CRMP1: variants seen among roughly 807,000 people sequenced by gnomAD.
CRMP1 encodes the protein dihydropyrimidinase-related protein 1.
Under a neutral mutation model 68.3 loss-of-function variants are expected in CRMP1, and 19 were observed. That is an observed-to-expected ratio of 0.28 (90% CI 0.19 to 0.41). The LOEUF (loss-of-function observed/expected upper bound fraction) is 0.41. Ranked by LOEUF, CRMP1 falls within the 10% of genes least tolerant of loss-of-function variation. The pLI, the probability that CRMP1 is intolerant of heterozygous loss-of-function variation, is 1.00. For missense variants in CRMP1, 791 were observed against 967.4 expected, an observed-to-expected ratio of 0.82 and a Z score of 2.42; for synonymous variants, 439 against 399.6, an observed-to-expected ratio of 1.10 and a Z score of -1.18.
chr4:5,892,655 C>A lies in CRMP1; in HGVS notation c.315G>T (p.Arg105=), dbSNP rs574009197. ...AVSSPGERDE[R]PPTLRIRRPA... is the part of the protein sequence containing the mutation. Reference sequence around the variant, plus strand: ...GGCGGCGGATGCGCAGCGTCGGCGGCCGCTCGTCGCGCTCTCCGGGAGAGC... The same window carrying A: ...GGCGGCGGATGCGCAGCGTCGGCGGACGCTCGTCGCGCTCTCCGGGAGAGC... The change falls in exon 1 of 14, where the codon CGG becomes CGT. Residue 105 remains arginine, a synonymous_variant. Transcript: ENST00000324989. This position sits in a 1 kb window ranked among gnomAD's most constrained non-coding sequence, Gnocchi z 8.6. 5.0e-6 allele frequency: 6 copies of A among 1,193,644 alleles called. No individual in the cohort carries two copies. The East Asian group carries it at 2.2e-4, about 43-fold the overall frequency. The allele number at this position is 1,193,644 out of a possible 1,614,324, so 73.9% of individuals were successfully genotyped here.
In CRMP1 at chr4:5,843,741, G is replaced by A. The variant is rs1711970833; in HGVS notation, c.964-580C>T. Among the ~76,000 whole-genome samples the A allele has an allele frequency of 6.6e-6, 1 of 152,112 alleles. No individual in the cohort carries two copies. Among genetic ancestry groups the A allele is most frequent in the African/African-American group, 2.4e-5 (1 of 41,402 alleles). ...TCAGATGAGCGAGCATACGAAACAT[G>A]CTCAGCACAAAACCTGGAGCTGAGC... On this transcript the variant is annotated intron_variant, in intron 6 of 13. Transcript: ENST00000324989. This position sits in a 1 kb window ranked among gnomAD's most constrained non-coding sequence, Gnocchi z 4.1.
rs528002762 is a variant in CRMP1 at position 5,831,137 on chromosome 4, G to A, written c.1624-2469C>T. ...TTAATTTTTTTATTTTTTTGTAGAG[G>A]CAGGGTCTCACTATGTCACCCAGTT... On this transcript the variant is annotated intron_variant, in intron 11 of 13. Transcript: ENST00000324989. Among the ~76,000 whole-genome samples the A allele has an allele frequency of 3.3e-3, 500 of 151,950 alleles. 4 individuals carry two copies. Among genetic ancestry groups the A allele is most frequent in the Non-Finnish European group, 4.8e-3 (324 of 67,968 alleles).
rs1716023239 is a variant in CRMP1 at position 5,893,019 on chromosome 4, C to T, written c.-50G>A. 8 of 1,104,632 alleles carry T rather than the reference C, an allele frequency of 7.2e-6. No homozygotes were observed. Among genetic ancestry groups the T allele is most frequent in the Non-Finnish European group, 8.9e-6 (8 of 903,074 alleles). 68.4% of individuals were successfully genotyped at this position (1,104,632 alleles called of 1,614,324 possible). A position where few individuals can be genotyped will look rare whatever the true frequency, so the allele number is the denominator to read the frequency against. ...CGCGCTCCCGCCTGCCCGCCCGCGG[C>T]CCTGGGCACCGCCGTGCGCCGCGCT... is the stretch of plus-strand genomic sequence containing the variant. On this transcript the variant is annotated 5_prime_UTR_variant, in exon 1 of 14. Transcript: ENST00000324989.
intron 8 of CRMP1, among the ~76,000 whole-genome samples, chr4:5,840,548 ACAG>A (rs1448246916): frequency 2.0e-5 from 3 of 152,190 alleles, no homozygotes; most frequent in Non-Finnish European, 4.4e-5. Flanking sequence ...GCCCTGTATC[ACAG>A]CTGCCCAACC....
In CRMP1 at chr4:5,879,161, C is replaced by A. The variant is rs1715056600; in HGVS notation, c.382-12405G>T. ...TAGGCTCTTCCCGGCCTGAGCCCGG[C>A]CCTCTCTCGGCCGCGCCCCACCACA... On this transcript the variant is annotated intron_variant, in intron 1 of 13. Transcript: ENST00000324989. The surrounding 1 kb of genome is among the most constrained non-coding windows in gnomAD (Gnocchi z 4.2). 1.4e-5 allele frequency among the ~76,000 whole-genome samples: 2 copies of A among 146,590 alleles called. No homozygotes were observed. The highest frequency in any genetic ancestry group is 4.9e-5 in the African/African-American group (2 of 40,522).
chr4:5,848,827 C>G (rs1229050321), intron 6 of CRMP1, among the ~76,000 whole-genome samples: 2 of 152,192 alleles, frequency 1.3e-5, no homozygotes, highest in African/African-American at 4.8e-5. Context: ...GGCCTCTCTT[C>G]TTCTCCTTAT....
intron 1 of CRMP1, chr4:5,887,779 C>T: frequency 1.0e-6 from 1 of 988,144 alleles, no homozygotes. Flanking sequence ...TTTTTCCCTC[C>T]TCCAGCGGGG....
chr4:5,875,275 GA>G (rs1714728817), intron 1 of CRMP1, among the ~76,000 whole-genome samples: 1 of 152,028 alleles, frequency 6.6e-6, no homozygotes, highest in East Asian at 1.9e-4. Flanking sequence ...GTCTATTCCT[GA>G]GTGAGGCATT....
chr4:5,886,175 C>G (rs1402076892), intron 1 of CRMP1, among the ~76,000 whole-genome samples: 1 of 152,190 alleles, frequency 6.6e-6, no homozygotes, highest in Non-Finnish European at 1.5e-5. Flanking sequence ...GGCCCTCTTT[C>G]CCAGGAACTA....
intron 3 of CRMP1, among the ~76,000 whole-genome samples, chr4:5,857,810 G>A (rs1027462428): frequency 6.6e-5 from 10 of 152,018 alleles, no homozygotes; most frequent in South Asian, 2.1e-4. Flanking sequence ...AAGGGCCTCC[G>A]AGACCCAACA....
At chr4:5,878,932 A>C (rs1011136538) in intron 1 of CRMP1, among the ~76,000 whole-genome samples, 1 of 151,696 alleles carries the variant, frequency 6.6e-6, no homozygotes, top group Non-Finnish European at 1.5e-5. Context: ...TCTACTCTGG[A>C]ACTGTTCTAA....
intron 2 of CRMP1, among the ~76,000 whole-genome samples, chr4:5,863,554 T>C (rs957079704): frequency 4.6e-5 from 7 of 152,092 alleles, no homozygotes; most frequent in Admixed American, 3.3e-4. Flanking sequence ...TCAATAGCAA[T>C]GTGCTGGAAA....
intron 4 of CRMP1, among the ~76,000 whole-genome samples, chr4:5,852,896 G>C (rs1039923331): frequency 1.3e-5 from 2 of 152,160 alleles, no homozygotes; most frequent in Admixed American, 6.5e-5. Flanking sequence ...AAAAGGCAGG[G>C]AGACTGTTCC....
At chr4:5,876,091 T>C (rs760105817) in intron 1 of CRMP1, among the ~76,000 whole-genome samples, 2 of 151,204 alleles carry the variant, frequency 1.3e-5, no homozygotes, top group Non-Finnish European at 2.9e-5. Flanking sequence ...AGGCAAAGCT[T>C]GCAGTGAGCC....
chr4:5,879,777 A>C lies in CRMP1; in HGVS notation c.381+12812T>G, dbSNP rs1715107891. 6.6e-6 allele frequency among the ~76,000 whole-genome samples: 1 copy of C among 151,944 alleles called. No individual in the cohort carries two copies. Among genetic ancestry groups the C allele is most frequent in the African/African-American group, 2.4e-5 (1 of 41,356 alleles). ...GTTGATGGCCTTAGGAAGCCTTTAA[A>C]CTCGTTTAAGAGGTTCCCAGTAATT... is the stretch of plus-strand genomic sequence containing the variant. On this transcript the variant is annotated intron_variant, in intron 1 of 13. Transcript: ENST00000324989. The surrounding 1 kb of genome is among the most constrained non-coding windows in gnomAD (Gnocchi z 4.2).
In CRMP1 at chr4:5,890,569, G is replaced by A. The variant is rs373428230; in HGVS notation, c.381+2020C>T. 2.6e-4 allele frequency among the ~76,000 whole-genome samples: 40 copies of A among 151,954 alleles called. No individual in the cohort carries two copies. Among genetic ancestry groups the A allele is most frequent in the East Asian group, 2.5e-3 (13 of 5,108 alleles). ...CCCTCCGTGGAGATCGCGAGCCCCT[G>A]AGTTCCACAGTCGCGAAGCTCGAGT... On this transcript the variant is annotated intron_variant, in intron 1 of 13. Transcript: ENST00000324989. This position sits in a 1 kb window ranked among gnomAD's most constrained non-coding sequence, Gnocchi z 5.5.
At chr4:5,856,021 A>T in intron 4 of CRMP1, 122 bp downstream of exon 4, 1 of 1,118,584 alleles carries the variant, frequency 8.9e-7, no homozygotes, top group Non-Finnish European at 1.3e-6. Context: ...CACGTGGCAG[A>T]GTGCAGCTCA....
chr4:5,833,938 C>T (rs905639366), intron 11 of CRMP1, among the ~76,000 whole-genome samples: 8 of 152,094 alleles, frequency 5.3e-5, no homozygotes, highest in African/African-American at 1.9e-4. Context: ...CCCAGCTACT[C>T]GGGAGGCTGA....
At position 5,892,453 on chromosome 4, in the gene CRMP1, G is replaced by A; in HGVS notation, c.381+136C>T. The A allele has an allele frequency of 2.2e-6, 2 of 897,036 alleles. No homozygotes were observed. The highest frequency in any genetic ancestry group is 2.8e-6 in the Non-Finnish European group (2 of 710,936). 55.6% of individuals were successfully genotyped at this position (897,036 alleles called of 1,614,324 possible). A position where few individuals can be genotyped will look rare whatever the true frequency, so the allele number is the denominator to read the frequency against. On this transcript the variant is annotated intron_variant, in intron 1 of 13. Transcript: ENST00000324989. This position sits in a 1 kb window ranked among gnomAD's most constrained non-coding sequence, Gnocchi z 8.6. ...TCTTGCATGATGAGGTGGGGGAGGG[G>A]CCGCGCCGTGGCTCTCCCCAGCCTG... is the stretch of plus-strand genomic sequence containing the variant.
Sources: allele counts gnomAD v4.1 joint callset (sites outside exome capture counted in the v4.1 genomes callset), GRCh38; gene constraint gnomAD v4.1.1; non-coding constraint Gnocchi (gnomAD v3.1); transcripts MANE v1.5; gene names NCBI Gene and HGNC (gene_info 2026-07-23, HGNC 2026-07-21).